GUCY2C: variants seen among roughly 807,000 people sequenced by gnomAD.
GUCY2C encodes the protein guanylate cyclase 2C.
Under a neutral mutation model 131.1 loss-of-function variants are expected in GUCY2C, and 118 were observed. The ratio of observed to expected loss-of-function variants is 0.90; its 90% CI spans 0.78 to 1.05. GUCY2C has a LOEUF of 1.05. GUCY2C is among the 50% of genes least tolerant of loss of function. The probability of loss-of-function intolerance (pLI) is 0.00; values close to 1 mark genes in which losing one functional copy is unlikely to be tolerated. For missense variants in GUCY2C, 1,161 were observed against 1,304.4 expected (o/e 0.89, Z 1.69); for synonymous variants, 452 against 457.8 (o/e 0.99, Z 0.16).
intron 24 of GUCY2C, 101 bp from the exon 25 acceptor site, chr12:14,616,828 A>C (rs956952486): frequency 2.2e-5 from 16 of 738,208 alleles, no homozygotes; most frequent in Non-Finnish European, 3.7e-5. Flanking sequence ...AGAATCCTAA[A>C]TCAAGAAGAA....
At position 14,669,773 on chromosome 12, in the gene GUCY2C, G is replaced by A; in HGVS notation, c.1231C>T (p.Pro411Ser). The change falls in exon 10 of 27, where the codon CCC becomes TCC. Residue 411 changes from proline to serine, a missense_variant. Pro to Ser is a moderately conservative substitution (Grantham distance 74, BLOSUM62 -1). Coordinates refer to ENST00000261170, the MANE Select transcript of GUCY2C (RefSeq NM_004963.4). ...TTAGAGTTCTTCCAAGTGAATGTGG[G>A]GCTCATATCCACAGGATAGGTCTTA... ...VNKTYPVDMSPTFTWKNSKLP... is the reference protein window; with the variant it reads ...VNKTYPVDMSSTFTWKNSKLP... 1 of 1,607,276 alleles carries A rather than the reference G, an allele frequency of 6.2e-7. No individual in the cohort carries two copies. The highest frequency in any genetic ancestry group is 1.7e-5 in the Admixed American group (1 of 59,676).
chr12:14,686,650 A>G (rs1163606996), intron 2 of GUCY2C, among the ~76,000 whole-genome samples: 1 of 152,172 alleles, frequency 6.6e-6, no homozygotes, highest in African/African-American at 2.4e-5. Flanking sequence ...GTAAAATGCT[A>G]TGCAATTGAT....
At chr12:14,630,146 T>A (rs1947108949) in intron 19 of GUCY2C, among the ~76,000 whole-genome samples, 1 of 151,604 alleles carries the variant, frequency 6.6e-6, no homozygotes, top group Non-Finnish European at 1.5e-5. Context: ...TTGTTTTAAA[T>A]AAACTTTGTT....
In GUCY2C at chr12:14,682,152, CCATTTTATTTTAGTAATGATA is replaced by C. The variant is rs1338132022; in HGVS notation, c.612-696_612-676del. Among the ~76,000 whole-genome samples, 12 of 152,218 alleles carry C rather than the reference CCATTTTATTTTAGTAATGATA, an allele frequency of 7.9e-5. No individual in the cohort carries two copies. In the East Asian group the frequency reaches 2.3e-3, roughly 29 times the overall value. ...CTTTGTTGGAGTTGAATGAATCTTTCCATTTTATTTTAGTAATGATACCTGATATGGTTAGGCTTTGTGTCC... is the reference window on the plus strand; with the variant it reads ...CTTTGTTGGAGTTGAATGAATCTTTCCCTGATATGGTTAGGCTTTGTGTCC... On this transcript the variant is annotated intron_variant, in intron 4 of 26. Coordinates refer to ENST00000261170, the MANE Select transcript of GUCY2C (RefSeq NM_004963.4).
chr12:14,639,851 G>C lies in GUCY2C; in HGVS notation c.2157+11C>G. 6.8e-7 allele frequency: 1 copy of C among 1,479,332 alleles called. No individual in the cohort carries two copies. Among genetic ancestry groups the C allele is most frequent in the Non-Finnish European group, 9.5e-7 (1 of 1,056,828 alleles). 91.6% of individuals were successfully genotyped at this position (1,479,332 alleles called of 1,614,324 possible). A position where few individuals can be genotyped will look rare whatever the true frequency, so the allele number is the denominator to read the frequency against. On this transcript the variant is annotated intron_variant, in intron 19 of 26. Transcript: ENST00000261170. ...CAGGCCAAGGAAATGAATACGGGAA[G>C]ATATACTCACTTCTAGCTCTTTTTC...
chr12:14,614,640 GCTAAATACTTT>G (rs1315915586), intron 26 of GUCY2C: 27 of 472,660 alleles, frequency 5.7e-5, no homozygotes, highest in Admixed American at 2.3e-4. Context: ...GGAAGCCAAG[GCTAAATACTTT>G]TCTGTTTCAT....
intron 21 of GUCY2C, among the ~76,000 whole-genome samples, chr12:14,625,326 CA>C (rs1296340892): frequency 1.3e-5 from 1 of 77,516 alleles, no homozygotes. Flanking sequence ...AAAGTACATG[CA>C]TTTTTTTTTT....
intron 6 of GUCY2C, among the ~76,000 whole-genome samples, chr12:14,678,921 G>T (rs1037833908): frequency 6.6e-6 from 1 of 152,144 alleles, no homozygotes; most frequent in Non-Finnish European, 1.5e-5. Context: ...GAACAAAGGT[G>T]CTCTCTACGC....
At position 14,656,482 on chromosome 12, in the gene GUCY2C, C is replaced by A. The variant is rs1410615139; in HGVS notation, c.1470+30G>T. The A allele has an allele frequency of 3.7e-6, 4 of 1,080,916 alleles. 1 individual carries two copies. The highest frequency in any genetic ancestry group is 2.0e-4 in the Middle Eastern group (1 of 4,974). The allele number at this position is 1,080,916 out of a possible 1,614,324, so 67.0% of individuals were successfully genotyped here. A position where few individuals can be genotyped will look rare whatever the true frequency, so the allele number is the denominator to read the frequency against. On this transcript the variant is annotated intron_variant, in intron 12 of 26. Transcript: ENST00000261170. The stretch of plus-strand genomic sequence containing the variant: ...TTGTCAAATACCTGCCAAATTGAAC[C>A]CATTCTTCAACAGGTAAGGTAGGCT...
intron 11 of GUCY2C, among the ~76,000 whole-genome samples, chr12:14,659,820 C>T (rs538831928): frequency 1.3e-5 from 2 of 152,192 alleles, no homozygotes; most frequent in African/African-American, 2.4e-5. Context: ...CTGCCAGGCC[C>T]CCTCATGGGC....
chr12:14,687,998 A>T lies in GUCY2C; in HGVS notation c.283T>A (p.Cys95Ser). 6.2e-7 allele frequency: 1 copy of T among 1,613,754 alleles called. No homozygotes were observed. Among genetic ancestry groups the T allele is most frequent in the East Asian group, 2.2e-5 (1 of 44,886 alleles). ...SDGLIHNSGD[C>S]RSSTCEGLDL... ...AGGCCTTCACAGGTGCTACTCCGGC[A>T]GTCGCCTGAGTTATGAATCAGACCA... Residue 95 changes from cysteine (C) to serine (S), a missense_variant, in exon 2 of 27, where the codon TGC (cysteine) becomes AGC (serine). Cys to Ser is a moderately radical substitution (Grantham distance 112, BLOSUM62 -1). Coordinates refer to ENST00000261170, the MANE Select transcript of GUCY2C (RefSeq NM_004963.4).
At chr12:14,695,226 T>G (rs1053980768) in intron 1 of GUCY2C, among the ~76,000 whole-genome samples, 1 of 152,164 alleles carries the variant, frequency 6.6e-6, no homozygotes, top group Non-Finnish European at 1.5e-5. Flanking sequence ...GAAAACAGAC[T>G]GGAAACATCC....
At chr12:14,664,680 T>C (rs1947934816) in intron 10 of GUCY2C, among the ~76,000 whole-genome samples, 1 of 152,202 alleles carries the variant, frequency 6.6e-6, no homozygotes, top group Non-Finnish European at 1.5e-5. Context: ...TGAGAGTTTA[T>C]AACCTCAAGG....
chr12:14,631,330 A>G (rs925442123), intron 19 of GUCY2C, among the ~76,000 whole-genome samples: 5 of 151,798 alleles, frequency 3.3e-5, no homozygotes, highest in African/African-American at 1.2e-4. Flanking sequence ...TGCTGCACCA[A>G]TTAACTCGTC....
chr12:14,663,980 C>A (rs568219457), intron 10 of GUCY2C, among the ~76,000 whole-genome samples: 1 of 152,212 alleles, frequency 6.6e-6, no homozygotes, highest in African/African-American at 2.4e-5. Flanking sequence ...TTTGTTTAAT[C>A]ATATTATGTC....
At chr12:14,620,996 A>G in intron 23 of GUCY2C, 46 bp downstream of exon 23, 1 of 1,449,352 alleles carries the variant, frequency 6.9e-7, no homozygotes, top group Non-Finnish European at 9.7e-7. Flanking sequence ...GTTGGTGCAC[A>G]GCAGTACATA....
chr12:14,667,999 C>CTTT (rs11355096), intron 10 of GUCY2C, among the ~76,000 whole-genome samples: 28 of 76,488 alleles, frequency 3.7e-4, no homozygotes, highest in East Asian at 7.2e-4. Flanking sequence ...TAATAATTTT[C>CTTT]TTTTTTTTTT....
intron 10 of GUCY2C, among the ~76,000 whole-genome samples, chr12:14,668,473 T>C (rs1948030712): frequency 6.6e-6 from 1 of 151,414 alleles, no homozygotes; most frequent in African/African-American, 2.4e-5. Context: ...CCAGCCTTAA[T>C]TTATAAATGT....
intron 9 of GUCY2C, among the ~76,000 whole-genome samples, chr12:14,672,054 G>A (rs1200543194): frequency 6.7e-6 from 1 of 148,650 alleles, no homozygotes. Context: ...ATATGACTTA[G>A]ACTGTCATAA....
Sources: allele counts gnomAD v4.1 joint callset (sites outside exome capture counted in the v4.1 genomes callset), GRCh38; gene constraint gnomAD v4.1.1; transcripts MANE v1.5; gene names NCBI Gene and HGNC (gene_info 2026-07-23, HGNC 2026-07-21).